The following TNRC6C variants were observed in gnomAD, a reference collection of about 807,000 sequenced individuals.
TNRC6C encodes trinucleotide repeat-containing gene 6C protein.
TNRC6C carries 20 observed loss-of-function variants against 153.7 expected under a neutral mutation model. That is an observed-to-expected ratio of 0.13 (90% CI 0.09 to 0.19). The LOEUF (loss-of-function observed/expected upper bound fraction) is 0.19, where lower values mean the gene tolerates loss of function less well. Among genes scored for constraint, TNRC6C ranks in the 10% least tolerant of loss-of-function variants. TNRC6C has a pLI of 1.00. For synonymous variants in TNRC6C, 811 were observed against 841.4 expected (o/e 0.96, Z 0.63); for missense variants, 1,987 against 2,172.0 (o/e 0.91, Z 1.69).
At chr17:78,077,477 A>G in intron 9 of TNRC6C, 143 bp downstream of exon 11, 1 of 1,103,190 alleles carries the variant, frequency 9.1e-7, no homozygotes, top group South Asian at 1.5e-5. Context: ...TACTACCAGG[A>G]TTTCCCTTCA....
At position 78,104,199 on chromosome 17, in the gene TNRC6C, T is replaced by C. The variant is rs2073647514; in HGVS notation, c.4713-286T>C. ...GACGTTGGAACCTAGAAATTAGTCA[T>C]TCCTGTTTTTAGCCCAGGATGCAAA... On this transcript the variant is annotated intron_variant, in intron 19 of 19. Coordinates refer to ENST00000301624, the Ensembl canonical transcript of TNRC6C. The surrounding 1 kb of genome is among the most constrained non-coding windows in gnomAD (Gnocchi z 6.2). 6.6e-6 allele frequency among the ~76,000 whole-genome samples: 1 copy of C among 152,218 alleles called. No homozygotes were observed. The highest frequency in any genetic ancestry group is 2.4e-5 in the African/African-American group (1 of 41,444).
intron 1 of TNRC6C, among the ~76,000 whole-genome samples, chr17:77,965,741 G>C (rs567730966): frequency 6.6e-6 from 1 of 152,318 alleles, no homozygotes; most frequent in East Asian, 1.9e-4. Flanking sequence ...ATATTAAAAA[G>C]TTGACAAAAA....
intron 2 of TNRC6C, among the ~76,000 whole-genome samples, chr17:78,042,573 T>C (rs1416075393): frequency 2.6e-5 from 4 of 152,210 alleles, no homozygotes; most frequent in Admixed American, 1.3e-4. Context: ...AGATTTTTTT[T>C]TTTTTTTTAA....
At chr17:78,085,178 G>A (rs2073258864) in intron 11 of TNRC6C, among the ~76,000 whole-genome samples, 1 of 152,186 alleles carries the variant, frequency 6.6e-6, no homozygotes, top group Non-Finnish European at 1.5e-5. Context: ...CTGCAGCCCT[G>A]ACACAGAGCT....
At position 78,075,400 on chromosome 17, in the gene TNRC6C, A is replaced by C; in HGVS notation, c.3060+122A>C. ...GGACTATAATACTTAAGTGACTTTT[A>C]TCCATTTTTTTCTAACATTATGAAC... On this transcript the variant is annotated intron_variant, in intron 8 of 19. Coordinates refer to ENST00000301624, the Ensembl canonical transcript of TNRC6C. This position sits in a 1 kb window ranked among gnomAD's most constrained non-coding sequence, Gnocchi z 4.2. The C allele has an allele frequency of 8.3e-7, 1 of 1,205,582 alleles. No homozygotes were observed. Among genetic ancestry groups the C allele is most frequent in the Non-Finnish European group, 1.1e-6 (1 of 885,256 alleles). The allele number at this position is 1,205,582 out of a possible 1,614,324, so 74.7% of individuals were successfully genotyped here.
intron 2 of TNRC6C, among the ~76,000 whole-genome samples, chr17:78,038,069 A>T (rs1404677676): frequency 6.6e-6 from 1 of 152,230 alleles, no homozygotes; most frequent in African/African-American, 2.4e-5. Flanking sequence ...AGCCATATGC[A>T]AGACAAATAT....
intron 2 of TNRC6C, among the ~76,000 whole-genome samples, chr17:78,032,598 T>C (rs1049249065): frequency 4.6e-5 from 7 of 152,372 alleles, no homozygotes; most frequent in Admixed American, 1.3e-4. Context: ...TAACAACTAA[T>C]AATTGGTGCT....
chr17:77,991,534 C>T (rs2071250267), intron 1 of TNRC6C, among the ~76,000 whole-genome samples: 1 of 152,074 alleles, frequency 6.6e-6, no homozygotes, highest in Admixed American at 6.5e-5. Context: ...AGGGCATGAA[C>T]CAAAAAGGAA....
chr17:78,079,470 C>T lies in TNRC6C; in HGVS notation c.3286C>T (p.Pro1096Ser). The T allele has an allele frequency of 1.2e-6, 2 of 1,613,910 alleles. No individual in the cohort carries two copies. The highest frequency in any genetic ancestry group is 1.7e-6 in the Non-Finnish European group (2 of 1,179,884). The change falls in exon 10 of 20, where the codon CCA (proline) becomes TCA (serine). Residue 1096 changes from proline to serine, a missense_variant. By Grantham distance (74) the Pro-to-Ser change is moderately conservative (BLOSUM62 -1). This residue lies in a region of TNRC6C where 765 missense variants were observed against 908.6 expected (regional missense o/e 0.84). Coordinates refer to ENST00000301624, the Ensembl canonical transcript of TNRC6C. The surrounding 1 kb of genome is among the most constrained non-coding windows in gnomAD (Gnocchi z 4.3). ...CAGGACCATGCAGCAGCCGCCACAG[C>T]CACCAGTGCAGCCTCTTAACTCTTC...
chr17:78,032,531 G>A (rs1390273576), intron 2 of TNRC6C, among the ~76,000 whole-genome samples: 1 of 152,200 alleles, frequency 6.6e-6, no homozygotes, highest in Non-Finnish European at 1.5e-5. Context: ...AGAGAACAAA[G>A]TATTTGTGGT....
exon 3 of TNRC6C, chr17:78,050,829 T>C: frequency 6.2e-7 from 1 of 1,613,416 alleles, no homozygotes; most frequent in Non-Finnish European, 8.5e-7. Flanking sequence ...AAAGATCAAA[T>C]CCAGCCTGGA....
chr17:77,975,696 A>G (rs1172979262), intron 1 of TNRC6C, among the ~76,000 whole-genome samples: 3 of 152,214 alleles, frequency 2.0e-5, no homozygotes. Context: ...AGGTTCAACA[A>G]CAGAAGTGGA....
chr17:78,084,141 G>A (rs908765281), intron 11 of TNRC6C, among the ~76,000 whole-genome samples: 4 of 152,036 alleles, frequency 2.6e-5, no homozygotes, highest in Non-Finnish European at 2.9e-5. Flanking sequence ...AAAATTAGCC[G>A]GGCATGATGG....
At chr17:78,041,526 CTATT>C (rs2072295368) in intron 2 of TNRC6C, among the ~76,000 whole-genome samples, 1 of 152,202 alleles carries the variant, frequency 6.6e-6, no homozygotes, top group South Asian at 2.1e-4. Context: ...CTTTTGGACA[CTATT>C]TGTGTTTCCA....
At position 78,083,321 on chromosome 17, in the gene TNRC6C, T is replaced by C. The variant is rs555694214; in HGVS notation, c.3477+155T>C. Reference sequence around the variant, plus strand: ...TTAAACTCTTCATGAGTTAGGGAGTTCTCACTCAAAGGTGTCCTACTAGGT... The same window carrying C: ...TTAAACTCTTCATGAGTTAGGGAGTCCTCACTCAAAGGTGTCCTACTAGGT... On this transcript the variant is annotated intron_variant, in intron 11 of 19. Coordinates refer to ENST00000301624, the Ensembl canonical transcript of TNRC6C. Among the ~76,000 whole-genome samples the C allele has an allele frequency of 5.3e-4, 81 of 152,364 alleles. 1 individual carries two copies. The South Asian group carries it at 0.016, about 29-fold the overall frequency.
intron 1 of TNRC6C, among the ~76,000 whole-genome samples, chr17:77,964,462 T>C (rs756935610): frequency 2.0e-5 from 3 of 152,236 alleles, no homozygotes; most frequent in Non-Finnish European, 2.9e-5. Context: ...ATTGGGAATA[T>C]GTGCTTTGTT....
chr17:77,996,509 C>T (rs2071330751), intron 1 of TNRC6C, among the ~76,000 whole-genome samples: 1 of 152,172 alleles, frequency 6.6e-6, no homozygotes, highest in South Asian at 2.1e-4. Flanking sequence ...AGTTCCTATT[C>T]CAAGATATGT....
intron 1 of TNRC6C, among the ~76,000 whole-genome samples, chr17:78,016,115 C>CCTGAAGAG (rs1425324040): frequency 6.6e-6 from 1 of 152,146 alleles, no homozygotes; most frequent in African/African-American, 2.4e-5. Flanking sequence ...CAAAGAGTTC[C>CCTGAAGAG]CTGAAGAGCT....
chr17:78,043,013 T>C (rs1300399923), intron 2 of TNRC6C, among the ~76,000 whole-genome samples: 1 of 152,214 alleles, frequency 6.6e-6, no homozygotes, highest in Admixed American at 6.5e-5. Flanking sequence ...TAGTAGGTGC[T>C]TTTCTCTTTC....
Sources: gnomAD v4.1 joint callset for allele counts (sites outside exome capture counted in the v4.1 genomes callset) on GRCh38, gnomAD v4.1.1 for gene constraint, gnomAD v4.1.1 regional missense constraint, Gnocchi (gnomAD v3.1) non-coding constraint, MANE v1.5 for transcripts, NCBI Gene and HGNC (gene_info 2026-07-23, HGNC 2026-07-21) for gene names.